The following MAGI3 variants were observed in gnomAD, a reference collection of about 807,000 sequenced individuals.
The protein encoded by MAGI3 is membrane associated guanylate kinase, WW and PDZ domain containing 3, also known as membrane-associated guanylate kinase, WW and PDZ domain-containing protein 3.
A neutral mutation model predicts 121.8 loss-of-function variants in MAGI3; 43 were observed. The ratio of observed to expected loss-of-function variants is 0.35; its 90% confidence interval spans 0.28 to 0.46. The LOEUF is 0.46. MAGI3 is among the 20% of genes least tolerant of loss of function. The pLI, the probability that MAGI3 is intolerant of heterozygous loss-of-function variation, is 1.00. For synonymous variants in MAGI3, 553 were observed against 639.3 expected, an observed-to-expected ratio of 0.86 and a Z score of 2.04; for missense variants, 1,547 against 1,797.3, an observed-to-expected ratio of 0.86 and a Z score of 2.52.
intron 2 of MAGI3, among the ~76,000 whole-genome samples, chr1:113,572,604 TTCC>T (rs1647365942): frequency 6.6e-6 from 1 of 152,230 alleles, no homozygotes; most frequent in South Asian, 2.1e-4. Flanking sequence ...GTTCGACTTC[TTCC>T]TGGTTTAGTC....
chr1:113,525,000 T>A (rs2101632037), intron 1 of MAGI3, among the ~76,000 whole-genome samples: 1 of 152,226 alleles, frequency 6.6e-6, no homozygotes, highest in South Asian at 2.1e-4. Context: ...GATCCGATGG[T>A]TTTATAAAGG....
At chr1:113,568,172 A>G (rs1380126110) in intron 2 of MAGI3, among the ~76,000 whole-genome samples, 1 of 152,114 alleles carries the variant, frequency 6.6e-6, no homozygotes, top group Non-Finnish European at 1.5e-5. Flanking sequence ...TAATTGTACT[A>G]TTAGAATTAG....
chr1:113,651,033 T>A lies in MAGI3; in HGVS notation c.2267T>A (p.Ile756Asn), dbSNP rs1439768095. The change falls in exon 14 of 21, where the codon ATT becomes AAT. Residue 756 changes from isoleucine (I) to asparagine (N), a missense_variant. Transcript: ENST00000307546. ...PDQSIYIGAI[I>N]PLGAAEKDGR... ...TATCAGATATATATTGGGGCTATTA[T>A]TCCCCTGGGAGCAGCTGAGAAAGAT... 1 of 1,614,086 alleles carries A rather than the reference T, an allele frequency of 6.2e-7. No individual in the cohort carries two copies. Among genetic ancestry groups the A allele is most frequent in the Non-Finnish European group, 8.5e-7 (1 of 1,179,960 alleles).
Position 113,619,756 on chromosome 1 carries a change from A to C in MAGI3, c.1097A>C (p.Gln366Pro). ...YYVDHLNQKTQFENPVEEAKR... is the reference protein window; with the variant it reads ...YYVDHLNQKTPFENPVEEAKR... The stretch of plus-strand genomic sequence containing the variant: ...TACAGTCACCTTAACCAGAAAACCC[A>C]GTTTGAAAATCCAGTGGAGGAAGCC... The change falls in exon 8 of 21, where the codon CAG becomes CCG. Residue 366 changes from glutamine to proline, a missense_variant. By Grantham distance (76) the Gln-to-Pro change is moderately conservative. Coordinates refer to ENST00000307546, the MANE Select transcript of MAGI3 (RefSeq NM_001142782.2). The C allele has an allele frequency of 6.2e-7, 1 of 1,613,288 alleles. No homozygotes were observed.
intron 1 of MAGI3, among the ~76,000 whole-genome samples, chr1:113,447,809 C>T (rs760444061): frequency 3.3e-5 from 5 of 151,802 alleles, no homozygotes; most frequent in Non-Finnish European, 5.9e-5. Flanking sequence ...GAGCCGAGAT[C>T]ACGCCACTGC....
At chr1:113,557,414 C>T (rs1185193971) in intron 2 of MAGI3, among the ~76,000 whole-genome samples, 1 of 152,228 alleles carries the variant, frequency 6.6e-6, no homozygotes, top group Non-Finnish European at 1.5e-5. Flanking sequence ...AAGTGGTTCT[C>T]CACCAGGACA....
At chr1:113,456,079 T>A (rs1654740530) in intron 1 of MAGI3, among the ~76,000 whole-genome samples, 1 of 150,862 alleles carries the variant, frequency 6.6e-6, no homozygotes, top group Non-Finnish European at 1.5e-5. Context: ...GCCTCCCGAG[T>A]AGCTGGGACT....
At chr1:113,507,211 C>T (rs550217334) in intron 1 of MAGI3, among the ~76,000 whole-genome samples, 1 of 152,118 alleles carries the variant, frequency 6.6e-6, no homozygotes, top group Admixed American at 6.5e-5. Flanking sequence ...AATTGGGATA[C>T]ACTATGAGGT....
At chr1:113,564,429 G>T (rs1660355678) in intron 2 of MAGI3, among the ~76,000 whole-genome samples, 1 of 152,166 alleles carries the variant, frequency 6.6e-6, no homozygotes, top group Non-Finnish European at 1.5e-5. Context: ...AGATTCTCCT[G>T]TGTGGCAAGT....
chr1:113,475,822 C>T (rs1334688399), intron 1 of MAGI3, among the ~76,000 whole-genome samples: 1 of 152,084 alleles, frequency 6.6e-6, no homozygotes, highest in African/African-American at 2.4e-5. Context: ...CTCTTTGTAC[C>T]TCTGGTAGAA....
At chr1:113,633,010 G>A (rs1180196213) in intron 9 of MAGI3, among the ~76,000 whole-genome samples, 2 of 148,164 alleles carry the variant, frequency 1.3e-5, no homozygotes, top group Non-Finnish European at 3.0e-5. Flanking sequence ...CCATTAACTC[G>A]TCATTTAGCA....
chr1:113,661,296 A>G (rs1004456407), intron 16 of MAGI3, among the ~76,000 whole-genome samples: 24 of 152,220 alleles, frequency 1.6e-4, no homozygotes, highest in Admixed American at 1.4e-3. Context: ...AAATAATAAT[A>G]GTATTTAATA....
intron 1 of MAGI3, among the ~76,000 whole-genome samples, chr1:113,543,952 A>G (rs1190770071): frequency 6.6e-6 from 1 of 152,184 alleles, no homozygotes; most frequent in Non-Finnish European, 1.5e-5. Flanking sequence ...AACTAAATCA[A>G]TAAAAATAAA....
intron 4 of MAGI3, 87 bp from the exon 5 acceptor site, chr1:113,590,397 G>T: frequency 7.8e-7 from 1 of 1,276,894 alleles, no homozygotes; most frequent in Non-Finnish European, 1.1e-6. Context: ...TTATGTATTT[G>T]GAATTTTTTT....
chr1:113,640,476 A>G (rs1315510261), intron 9 of MAGI3, among the ~76,000 whole-genome samples: 1 of 152,180 alleles, frequency 6.6e-6, no homozygotes, highest in Non-Finnish European at 1.5e-5. Context: ...ACAGGAACCA[A>G]CCCAAATGCC....
intron 1 of MAGI3, among the ~76,000 whole-genome samples, chr1:113,535,451 A>G (rs1433424232): frequency 1.3e-5 from 2 of 152,164 alleles, no homozygotes; most frequent in East Asian, 3.9e-4. Context: ...ACTAAATGCT[A>G]TTCTGCACCT....
At chr1:113,557,784 G>A (rs1660061251) in intron 2 of MAGI3, among the ~76,000 whole-genome samples, 2 of 152,186 alleles carry the variant, frequency 1.3e-5, no homozygotes, top group Admixed American at 1.3e-4. Flanking sequence ...GGAGTATCCA[G>A]CCACCTCCTA....
At position 113,523,440 on chromosome 1, in the gene MAGI3, C is replaced by T. The variant is rs182990679; in HGVS notation, c.317-26075C>T. ...TAGAGACTTGTTGAATGGCTTTGAC[C>T]GAAATGCTGGTAATGATATGGACAC... On this transcript the variant is annotated intron_variant, in intron 1 of 20. Transcript: ENST00000307546. Among the ~76,000 whole-genome samples the T allele has an allele frequency of 4.7e-4, 72 of 152,164 alleles. 1 individual carries two copies. Among genetic ancestry groups the T allele is most frequent in the African/African-American group, 2.2e-4 (9 of 41,508 alleles).
intron 1 of MAGI3, among the ~76,000 whole-genome samples, chr1:113,415,776 T>G (rs1037997093): frequency 1.3e-5 from 2 of 152,010 alleles, no homozygotes; most frequent in African/African-American, 4.8e-5. Context: ...CTTTTTAAGC[T>G]TCAAAAGTTT....
Sources: allele counts gnomAD v4.1 joint callset (sites outside exome capture counted in the v4.1 genomes callset), GRCh38; gene constraint gnomAD v4.1.1; transcripts MANE v1.5; gene names NCBI Gene and HGNC (gene_info 2026-07-23, HGNC 2026-07-21).